SYN2: variants seen among roughly 807,000 people sequenced by gnomAD.
SYN2 encodes synapsin-2.
A neutral mutation model predicts 50.9 loss-of-function variants in SYN2; 19 were observed. The ratio of observed to expected loss-of-function variants is 0.37; its 90% confidence interval spans 0.26 to 0.55. The LOEUF is 0.55. SYN2 is among the 20% of genes least tolerant of loss of function. SYN2 has a pLI of 0.81. For missense variants in SYN2, 587 were observed against 576.4 expected (o/e 1.02, Z -0.19); for synonymous variants, 255 against 224.9 (o/e 1.13, Z -1.20).
intron 1 of SYN2, among the ~76,000 whole-genome samples, chr3:12,043,865 A>C (rs1694674046): frequency 6.6e-6 from 1 of 152,062 alleles, no homozygotes; most frequent in Non-Finnish European, 1.5e-5. Flanking sequence ...TCTTTACCTA[A>C]TATTTTATCT....
intron 1 of SYN2, among the ~76,000 whole-genome samples, chr3:12,050,099 C>G (rs1694823252): frequency 6.6e-6 from 1 of 151,898 alleles, no homozygotes; most frequent in African/African-American, 2.4e-5. Context: ...CAGGGTTTCA[C>G]TATGTTGGTC....
chr3:12,052,158 G>A (rs1227764069), intron 1 of SYN2, among the ~76,000 whole-genome samples: 1 of 152,172 alleles, frequency 6.6e-6, no homozygotes, highest in Admixed American at 6.5e-5. Context: ...CTAGCTACAT[G>A]CTAGGCGTTG....
At chr3:12,078,193 CTT>C (rs148566174) in intron 1 of SYN2, among the ~76,000 whole-genome samples, 13,816 of 152,054 alleles carry the variant, frequency 0.091, 739 homozygotes, top group Middle Eastern at 0.14. Context: ...TGTTTAAACT[CTT>C]TGTAGATTCT....
At chr3:12,021,945 C>T (rs1406548770) in intron 1 of SYN2, among the ~76,000 whole-genome samples, 1 of 151,980 alleles carries the variant, frequency 6.6e-6, no homozygotes, top group African/African-American at 2.4e-5. Flanking sequence ...TGGTGTGCAC[C>T]TGTAATCTCA....
intron 9 of SYN2, among the ~76,000 whole-genome samples, chr3:12,169,076 A>G (rs1030448413): frequency 2.0e-5 from 3 of 152,180 alleles, no homozygotes; most frequent in Non-Finnish European, 4.4e-5. Context: ...GTAGGCTTCA[A>G]ATTCAGAATC....
chr3:12,023,934 A>G lies in SYN2; in HGVS notation c.377+19006A>G, dbSNP rs559420546. On this transcript the variant is annotated intron_variant, in intron 1 of 12. Transcript: ENST00000621198. The stretch of plus-strand genomic sequence containing the variant: ...GTCCTGGGGTAAAGGAGCTTTGGGG[A>G]CCTTATGACCCTCAATCTGTTATTG... 2.5e-3 allele frequency among the ~76,000 whole-genome samples: 376 copies of G among 151,886 alleles called. 1 individual carries two copies. The highest frequency in any genetic ancestry group is 8.5e-3 in the African/African-American group (353 of 41,394).
At chr3:12,043,230 C>T (rs1310356057) in intron 1 of SYN2, among the ~76,000 whole-genome samples, 2 of 151,996 alleles carry the variant, frequency 1.3e-5, no homozygotes, top group East Asian at 1.9e-4. Context: ...CACTGTGTTC[C>T]CCAGGCTGGT....
intron 1 of SYN2, among the ~76,000 whole-genome samples, chr3:12,028,333 C>T (rs1298212631): frequency 6.6e-6 from 1 of 150,926 alleles, no homozygotes; most frequent in African/African-American, 2.5e-5. Context: ...CCGCAATAAA[C>T]ATACGTGTGC....
intron 1 of SYN2, among the ~76,000 whole-genome samples, chr3:12,086,923 T>A (rs969729289): frequency 6.6e-6 from 1 of 152,164 alleles, no homozygotes; most frequent in African/African-American, 2.4e-5. Context: ...AGGGAAATTG[T>A]TTCTGCTGAT....
Position 12,059,415 on chromosome 3 carries a change from T to G in SYN2, c.377+54487T>G, listed in dbSNP as rs183985390. On this transcript the variant is annotated intron_variant, in intron 1 of 12. Coordinates refer to ENST00000621198, the MANE Select transcript of SYN2 (RefSeq NM_133625.6). ...GTTGCTTAAGGAAGAGAAGCTTTGT[T>G]TTAAAAGCTGGAATCAGTAGAAAAG... Among the ~76,000 whole-genome samples the G allele has an allele frequency of 1.3e-3, 202 of 152,248 alleles. 1 individual carries two copies. Among genetic ancestry groups the G allele is most frequent in the Non-Finnish European group, 2.2e-3 (153 of 68,010 alleles).
chr3:12,115,514 A>G lies in SYN2; in HGVS notation c.378-25137A>G, dbSNP rs1036083308. Among the ~76,000 whole-genome samples, 5 of 152,172 alleles carry G rather than the reference A, an allele frequency of 3.3e-5. No individual in the cohort carries two copies. In the South Asian group the frequency reaches 6.2e-4, roughly 19 times the overall value. On this transcript the variant is annotated intron_variant, in intron 1 of 12. Coordinates refer to ENST00000621198, the MANE Select transcript of SYN2 (RefSeq NM_133625.6). ...TGAAAAGCGTGAATTTTTGTGCCAT[A>G]TATCAGATGAAACCTTCTAGGATTC...
chr3:12,153,031 G>T (rs1458979169), intron 5 of SYN2: 1 of 219,806 alleles, frequency 4.5e-6, no homozygotes, highest in Non-Finnish European at 9.3e-6. Flanking sequence ...AGGATGAGTT[G>T]AGACAGGGGA....
At chr3:12,117,905 C>CT (rs1247824735) in intron 1 of SYN2, among the ~76,000 whole-genome samples, 2 of 152,180 alleles carry the variant, frequency 1.3e-5, no homozygotes, top group Non-Finnish European at 2.9e-5. Context: ...AGTCTTGAGT[C>CT]TGAGTTCCTA....
intron 1 of SYN2, among the ~76,000 whole-genome samples, chr3:12,077,325 T>C (rs1270041326): frequency 6.6e-6 from 1 of 152,154 alleles, no homozygotes; most frequent in Non-Finnish European, 1.5e-5. Flanking sequence ...AAATTATTTT[T>C]CTTTTAAGTT....
chr3:12,162,278 C>T, intron 7 of SYN2, 124 bp downstream of exon 7: 2 of 1,243,876 alleles, frequency 1.6e-6, no homozygotes, highest in Non-Finnish European at 2.2e-6. Flanking sequence ...TACCTGGGTT[C>T]CTTTTAAGTC....
At chr3:12,188,400 A>C (rs1698386258) in intron 12 of SYN2, among the ~76,000 whole-genome samples, 2 of 152,170 alleles carry the variant, frequency 1.3e-5, no homozygotes, top group African/African-American at 4.8e-5. Context: ...TCCCCAGCAG[A>C]CTTCTGTCAC....
At chr3:12,019,804 G>A (rs934535637) in intron 1 of SYN2, among the ~76,000 whole-genome samples, 4 of 152,114 alleles carry the variant, frequency 2.6e-5, no homozygotes, top group African/African-American at 9.7e-5. Flanking sequence ...CTTAGATTAG[G>A]AATCCAAGGC....
intron 1 of SYN2, among the ~76,000 whole-genome samples, chr3:12,053,493 C>T (rs1203161215): frequency 1.3e-5 from 2 of 151,504 alleles, no homozygotes; most frequent in Middle Eastern, 3.2e-3. Flanking sequence ...CCTTCTTTCT[C>T]ATTATCTGAT....
intron 1 of SYN2, among the ~76,000 whole-genome samples, chr3:12,075,113 A>G (rs1411594736): frequency 6.6e-6 from 1 of 152,148 alleles, no homozygotes; most frequent in Non-Finnish European, 1.5e-5. Flanking sequence ...CAACAATGTG[A>G]ATATTAGTGG....
Sources: allele counts gnomAD v4.1 joint callset (sites outside exome capture counted in the v4.1 genomes callset), GRCh38; gene constraint gnomAD v4.1.1; transcripts MANE v1.5; gene names NCBI Gene and HGNC (gene_info 2026-07-23, HGNC 2026-07-21).